The following ILRUN variants were observed in gnomAD, a reference collection of about 807,000 sequenced individuals.
ILRUN encodes protein ILRUN.
In ILRUN, 3 loss-of-function variants were observed where a neutral mutation model predicts 33.8. The observed-to-expected ratio is 0.09, with a 90% CI of 0.04 to 0.23. The LOEUF (loss-of-function observed/expected upper bound fraction) is 0.23, where lower values mean the gene tolerates loss of function less well. Ranked by LOEUF, ILRUN falls within the 10% of genes least tolerant of loss-of-function variation. ILRUN has a pLI of 1.00. For synonymous variants in ILRUN, 124 were observed against 138.9 expected (o/e 0.89, Z 0.75); for missense variants, 210 against 375.1 (o/e 0.56, Z 3.64).
intron 1 of ILRUN, among the ~76,000 whole-genome samples, chr6:34,687,570 C>G (rs1002930082): frequency 6.6e-6 from 1 of 151,574 alleles, no homozygotes; most frequent in Non-Finnish European, 1.5e-5. Context: ...TGGTGGCACA[C>G]AGCTGTAGTC....
intron 3 of ILRUN, among the ~76,000 whole-genome samples, chr6:34,626,361 T>C (rs1191502684): frequency 6.6e-6 from 1 of 151,954 alleles, no homozygotes; most frequent in African/African-American, 2.4e-5. Flanking sequence ...TTTGTAGAGA[T>C]GGGGGTCTTC....
At chr6:34,683,506 A>G (rs1294116597) in intron 1 of ILRUN, among the ~76,000 whole-genome samples, 3 of 100,946 alleles carry the variant, frequency 3.0e-5, no homozygotes, top group African/African-American at 1.7e-4. Flanking sequence ...ATACATATAT[A>G]TATATATACA....
chr6:34,614,508 T>A (rs547284442), intron 3 of ILRUN, among the ~76,000 whole-genome samples: 1 of 146,386 alleles, frequency 6.8e-6, no homozygotes, highest in Non-Finnish European at 1.5e-5. Flanking sequence ...ATATTTTATA[T>A]ATATATATAT....
At position 34,647,374 on chromosome 6, in the gene ILRUN, A is replaced by C. The variant is rs147346640; in HGVS notation, c.314-576T>G. ...AGCTCAAGAGACCACATGAATATAAAAGGCAGTAAAAGTTTAGACCTTGGG... is the reference window on the plus strand; with the variant it reads ...AGCTCAAGAGACCACATGAATATAACAGGCAGTAAAAGTTTAGACCTTGGG... On this transcript the variant is annotated intron_variant, in intron 2 of 4. Transcript: ENST00000374023. 3.9e-5 allele frequency among the ~76,000 whole-genome samples: 6 copies of C among 152,318 alleles called. No individual in the cohort carries two copies. The East Asian group carries it at 1.2e-3, about 29-fold the overall frequency.
chr6:34,672,683 C>T (rs1763141747), intron 1 of ILRUN, among the ~76,000 whole-genome samples: 2 of 151,158 alleles, frequency 1.3e-5, no homozygotes, highest in African/African-American at 4.9e-5. Context: ...CTGAGATCAC[C>T]CAGAAAACAA....
intron 1 of ILRUN, among the ~76,000 whole-genome samples, chr6:34,681,845 ATTTT>A (rs1168522578): frequency 8.2e-5 from 7 of 85,396 alleles, no homozygotes; most frequent in African/African-American, 1.8e-4. Flanking sequence ...CCACCACTAC[ATTTT>A]TTTTTTTTTT....
At chr6:34,617,251 T>C in intron 3 of ILRUN, 1 of 384,390 alleles carries the variant, frequency 2.6e-6, no homozygotes, top group Non-Finnish European at 5.0e-6. Context: ...AATAGAAGAA[T>C]GAACTAAGGC....
chr6:34,659,522 C>T (rs1419532321), intron 1 of ILRUN, among the ~76,000 whole-genome samples: 1 of 151,840 alleles, frequency 6.6e-6, no homozygotes, highest in Non-Finnish European at 1.5e-5. Flanking sequence ...TGAATTGTAA[C>T]CCCCATTAAA....
intron 1 of ILRUN, chr6:34,687,182 T>A (rs907604226): frequency 1.3e-5 from 2 of 152,212 alleles, no homozygotes; most frequent in African/African-American, 4.8e-5. Context: ...TTGCTCTTGG[T>A]CTTTTGGGAG....
chr6:34,672,622 G>A (rs1482121561), intron 1 of ILRUN, among the ~76,000 whole-genome samples: 1 of 152,034 alleles, frequency 6.6e-6, no homozygotes, highest in Non-Finnish European at 1.5e-5. Context: ...CATCAAATAT[G>A]AAATAAACAA....
At chr6:34,680,894 C>G (rs1291571201) in intron 1 of ILRUN, among the ~76,000 whole-genome samples, 1 of 151,612 alleles carries the variant, frequency 6.6e-6, no homozygotes, top group African/African-American at 2.4e-5. Context: ...GAGACCCAAG[C>G]AGGCAACTTG....
intron 3 of ILRUN, among the ~76,000 whole-genome samples, chr6:34,632,485 T>C (rs1315709306): frequency 5.3e-5 from 8 of 151,952 alleles, no homozygotes; most frequent in Non-Finnish European, 4.4e-5. Flanking sequence ...GCAGAACAAA[T>C]GTTTCCTTTT....
In ILRUN at chr6:34,587,931, AG is replaced by A. The variant is rs1322743197; in HGVS notation, c.*2633del. The A allele has an allele frequency of 7.6e-6, 3 of 397,150 alleles. No homozygotes were observed. The highest frequency in any genetic ancestry group is 1.3e-5 in the Non-Finnish European group (3 of 225,792). The allele number at this position is 397,150 out of a possible 1,614,324, so 24.6% of individuals were successfully genotyped here. On this transcript the variant is annotated 3_prime_UTR_variant, in exon 5 of 5. Transcript: ENST00000374023. ...GCCTCACCTCCTGGGTGCCAGACGC[AG>A]GTGGTCCTGCCCAGAGGTGGCCTGC...
chr6:34,667,549 T>C (rs1232954141), intron 1 of ILRUN, among the ~76,000 whole-genome samples: 1 of 152,096 alleles, frequency 6.6e-6, no homozygotes, highest in Non-Finnish European at 1.5e-5. Flanking sequence ...GAAAACAGGG[T>C]AGTCCCAGTC....
At chr6:34,673,832 T>TACACACACACACAC (rs71000079) in intron 1 of ILRUN, among the ~76,000 whole-genome samples, 2 of 111,204 alleles carry the variant, frequency 1.8e-5, no homozygotes, top group African/African-American at 7.2e-5. Flanking sequence ...AACAACCACA[T>TACACACACACACAC]ACACACACAC....
chr6:34,626,765 T>C (rs1762142259), intron 3 of ILRUN, among the ~76,000 whole-genome samples: 1 of 152,132 alleles, frequency 6.6e-6, no homozygotes, highest in Non-Finnish European at 1.5e-5. Flanking sequence ...CCTAGCACTT[T>C]AGAGGCCGAG....
intron 2 of ILRUN, among the ~76,000 whole-genome samples, chr6:34,649,648 C>T (rs1394229112): frequency 1.3e-5 from 2 of 152,056 alleles, no homozygotes; most frequent in East Asian, 3.9e-4. Flanking sequence ...TAAGTATATA[C>T]AATTATAGAA....
At chr6:34,687,851 A>G (rs929635345) in intron 1 of ILRUN, among the ~76,000 whole-genome samples, 1 of 151,946 alleles carries the variant, frequency 6.6e-6, no homozygotes, top group Non-Finnish European at 1.5e-5. Flanking sequence ...AAAATGATTC[A>G]GCCATCGTGG....
chr6:34,692,984 G>A (rs950726869), intron 1 of ILRUN, among the ~76,000 whole-genome samples: 2 of 152,226 alleles, frequency 1.3e-5, no homozygotes, highest in Middle Eastern at 3.4e-3. Flanking sequence ...AGGCTGAGGT[G>A]GGAGGATTGC....
Sources: gnomAD v4.1 joint callset for allele counts (sites outside exome capture counted in the v4.1 genomes callset) on GRCh38, gnomAD v4.1.1 for gene constraint, MANE v1.5 for transcripts, NCBI Gene and HGNC (gene_info 2026-07-23, HGNC 2026-07-21) for gene names.